The following ARHGAP29 variants were observed in gnomAD, a reference collection of about 807,000 sequenced individuals.
The protein encoded by ARHGAP29 is rho GTPase-activating protein 29.
In ARHGAP29, 43 loss-of-function variants were observed where a neutral mutation model predicts 122.6. That is an observed-to-expected ratio of 0.35 (90% CI 0.27 to 0.45). The LOEUF is 0.45. ARHGAP29 is among the 20% of genes least tolerant of loss of function. ARHGAP29 has a pLI of 1.00. For missense variants in ARHGAP29, 1,303 were observed against 1,477.2 expected (o/e 0.88, Z 1.93); for synonymous variants, 506 against 497.1 (o/e 1.02, Z -0.24).
rs930988262 is a variant in ARHGAP29 at position 94,265,575 on chromosome 1, A to T, written c.-33+9437T>A. ...CAGAACTGAAGAAACTCTAAGAAATACACCAGCAATTATTGCCTGGAATGC... is the reference window on the plus strand; with the variant it reads ...CAGAACTGAAGAAACTCTAAGAAATTCACCAGCAATTATTGCCTGGAATGC... On this transcript the variant is annotated intron_variant and NMD_transcript_variant, in intron 1 of 25. Coordinates refer to the ARHGAP29 transcript ENST00000552844. Among the ~76,000 whole-genome samples the T allele has an allele frequency of 2.6e-5, 4 of 152,324 alleles. No homozygotes were observed. The South Asian group carries it at 8.3e-4, about 32-fold the overall frequency.
Position 94,179,077 on chromosome 1 carries a change from G to T in ARHGAP29, c.2480+648C>A, listed in dbSNP as rs183394514. Among the ~76,000 whole-genome samples the T allele has an allele frequency of 1.3e-3, 193 of 152,268 alleles. 1 individual carries two copies. The highest frequency in any genetic ancestry group is 1.8e-3 in the Non-Finnish European group (124 of 68,018). ...CAATGATGCTGTACTCTATTTGTCT[G>T]CAGATCTGTCCCCACAGCTGATGAG... On this transcript the variant is annotated intron_variant, in intron 20 of 22. Coordinates refer to ENST00000260526, the MANE Select transcript of ARHGAP29 (RefSeq NM_004815.4).
upstream of ARHGAP29, chr1:94,237,614 C>A: frequency 2.0e-6 from 2 of 987,286 alleles, no homozygotes; most frequent in Non-Finnish European, 2.4e-6. Flanking sequence ...CAGCTACCGC[C>A]ACGGCCGCAC....
At chr1:94,207,001 T>TTTTATTTA (rs542199991) in intron 5 of ARHGAP29, among the ~76,000 whole-genome samples, 4,893 of 150,122 alleles carry the variant, frequency 0.033, 146 homozygotes, top group East Asian at 0.11. Context: ...AAGGAGCAAC[T>TTTTATTTA]TTTATTTATT....
intron 2 of ARHGAP29, among the ~76,000 whole-genome samples, chr1:94,230,142 T>C (rs1241865362): frequency 6.6e-6 from 1 of 151,746 alleles, no homozygotes; most frequent in Non-Finnish European, 1.5e-5. Context: ...TTATTGTTTA[T>C]AAATTTAAAA....
chr1:94,256,364 A>G (rs1273287871), intron 1 of ARHGAP29, among the ~76,000 whole-genome samples: 1 of 152,134 alleles, frequency 6.6e-6, no homozygotes, highest in South Asian at 2.1e-4. Flanking sequence ...CACTTTGCAC[A>G]TACAAATGGG....
intron 17 of ARHGAP29, 115 bp downstream of exon 17, chr1:94,185,226 TG>T: frequency 7.9e-7 from 1 of 1,264,056 alleles, no homozygotes; most frequent in Non-Finnish European, 1.1e-6. Flanking sequence ...GAAGGTGTAC[TG>T]TAGTACAATT....
chr1:94,276,817 G>T (rs1204767746), upstream of ARHGAP29, among the ~76,000 whole-genome samples: 3 of 142,044 alleles, frequency 2.1e-5, no homozygotes, highest in Non-Finnish European at 4.5e-5. Context: ...AAAGGACTGT[G>T]TCCCAATTCT....
chr1:94,263,795 T>C (rs149922656), intron 1 of ARHGAP29, among the ~76,000 whole-genome samples: 2 of 152,308 alleles, frequency 1.3e-5, no homozygotes, highest in African/African-American at 2.4e-5. Context: ...GTACTTTGGT[T>C]TGTTCTGTCA....
intron 12 of ARHGAP29, among the ~76,000 whole-genome samples, chr1:94,196,843 T>C (rs1650507808): frequency 1.3e-5 from 2 of 152,152 alleles, no homozygotes; most frequent in African/African-American, 4.8e-5. Flanking sequence ...TGAATATAAA[T>C]GAAAATACAA....
chr1:94,291,786 C>G, the ARHGAP29 span, among the ~76,000 whole-genome samples: 1 of 152,220 alleles, frequency 6.6e-6, no homozygotes, highest in Non-Finnish European at 1.5e-5. Context: ...GGCCCCCACT[C>G]TCTTCTGACT....
chr1:94,205,331 A>G (rs1042825407), intron 6 of ARHGAP29, 133 bp from the exon 7 acceptor site: 1 of 729,962 alleles, frequency 1.4e-6, no homozygotes, highest in Non-Finnish European at 2.1e-6. Flanking sequence ...TGACAAATTT[A>G]CAATTAAAAG....
chr1:94,241,275 G>A (rs558727101), upstream of ARHGAP29, among the ~76,000 whole-genome samples: 1 of 152,106 alleles, frequency 6.6e-6, no homozygotes, highest in African/African-American at 2.4e-5. Context: ...CAAATAAACT[G>A]CAGGAAAAAA....
At chr1:94,224,213 G>A (rs762953711) in intron 2 of ARHGAP29, among the ~76,000 whole-genome samples, 2 of 152,134 alleles carry the variant, frequency 1.3e-5, no homozygotes, top group Non-Finnish European at 2.9e-5. Context: ...TAGTACTTCT[G>A]CTGACTTAAC....
chr1:94,222,054 C>A (rs1048307345), intron 2 of ARHGAP29, among the ~76,000 whole-genome samples: 3 of 151,068 alleles, frequency 2.0e-5, no homozygotes, highest in Admixed American at 6.6e-5. Flanking sequence ...CAGGAACCAA[C>A]TGAAAGTTTC....
chr1:94,287,431 C>T, the ARHGAP29 span, among the ~76,000 whole-genome samples: 1 of 152,042 alleles, frequency 6.6e-6, no homozygotes, highest in Non-Finnish European at 1.5e-5. Flanking sequence ...TCCCTTCCAC[C>T]ATGATTGTAA....
At chr1:94,299,483 A>G in the ARHGAP29 span, among the ~76,000 whole-genome samples, 1 of 152,240 alleles carries the variant, frequency 6.6e-6, no homozygotes. Context: ...GTTTGCTGAC[A>G]AATGCGATAA....
At chr1:94,296,371 A>G in the ARHGAP29 span, among the ~76,000 whole-genome samples, 1 of 152,232 alleles carries the variant, frequency 6.6e-6, no homozygotes, top group Non-Finnish European at 1.5e-5. Context: ...GCACAAGAGT[A>G]GTGATGCTGG....
At position 94,170,770 on chromosome 1, in the gene ARHGAP29, T is replaced by C. The variant is rs770745579; in HGVS notation, c.*3099A>G. On this transcript the variant is annotated 3_prime_UTR_variant, in exon 23 of 23. Transcript: ENST00000260526. ...TATGGAGTACTACATTTATTTAAGA[T>C]CTCCTTAAATGCTTCCTGACATGGT... Among the ~76,000 whole-genome samples the C allele has an allele frequency of 3.3e-5, 5 of 152,214 alleles. No homozygotes were observed. Among genetic ancestry groups the C allele is most frequent in the Non-Finnish European group, 7.4e-5 (5 of 68,024 alleles).
chr1:94,305,260 C>T, the ARHGAP29 span, among the ~76,000 whole-genome samples: 7 of 152,318 alleles, frequency 4.6e-5, no homozygotes, highest in African/African-American at 1.7e-4. Context: ...CTGGAAATGG[C>T]AGCATCAGCC....
Sources: allele counts gnomAD v4.1 joint callset (sites outside exome capture counted in the v4.1 genomes callset), GRCh38; gene constraint gnomAD v4.1.1; transcripts MANE v1.5; gene names NCBI Gene and HGNC (gene_info 2026-07-23, HGNC 2026-07-21).